PCDHA6: variants seen among roughly 807,000 people sequenced by gnomAD.
The protein encoded by PCDHA6 is protocadherin alpha-6.
In PCDHA6, 55 loss-of-function variants were observed where a neutral mutation model predicts 60.3. The observed-to-expected ratio is 0.91, with a 90% CI of 0.73 to 1.14. The LOEUF (loss-of-function observed/expected upper bound fraction) is 1.14. Ranked by LOEUF, PCDHA6 falls within the 50% of genes most tolerant of loss-of-function variation. PCDHA6 has a pLI of 0.00. For synonymous variants in PCDHA6, 652 were observed against 557.9 expected, an observed-to-expected ratio of 1.17 and a Z score of -2.38; for missense variants, 1,327 against 1,256.5, an observed-to-expected ratio of 1.06 and a Z score of -0.85.
intron 3 of PCDHA6, among the ~76,000 whole-genome samples, chr5:140,989,980 C>T (rs1172154204): frequency 6.6e-6 from 1 of 152,012 alleles, no homozygotes; most frequent in South Asian, 2.1e-4. Context: ...AGCAACAGCC[C>T]TGCCTGAAAT....
rs1228559116 is a variant in PCDHA6, at chr5:140,927,616, G to A, written c.2395-51333G>A. On this transcript the variant is annotated intron_variant, in intron 1 of 3. Coordinates refer to ENST00000529310, the MANE Select transcript of PCDHA6 (RefSeq NM_018909.4). ...TGAGCGCTCCGTATACCGCACCAAG[G>A]TTCCAGAGACTGCACCCAATGGGAC... 1.1e-5 allele frequency: 18 copies of A among 1,614,046 alleles called. No individual in the cohort carries two copies. Among genetic ancestry groups the A allele is most frequent in the Non-Finnish European group, 1.5e-5 (18 of 1,180,038 alleles).
chr5:141,008,241 C>G (rs1474460463), intron 3 of PCDHA6, among the ~76,000 whole-genome samples: 2 of 152,118 alleles, frequency 1.3e-5, no homozygotes, highest in African/African-American at 2.4e-5. Flanking sequence ...TGCTCAGGGA[C>G]ACCAAATTAG....
chr5:140,960,188 G>A (rs1371016387), intron 1 of PCDHA6, among the ~76,000 whole-genome samples: 7 of 152,132 alleles, frequency 4.6e-5, no homozygotes, highest in Non-Finnish European at 7.4e-5. Flanking sequence ...GGTTGCATGT[G>A]TAGTGGTCAG....
chr5:140,870,642 C>A (rs373909591), intron 1 of PCDHA6: 2 of 1,612,746 alleles, frequency 1.2e-6, no homozygotes, highest in African/African-American at 1.3e-5. Context: ...ACGCGGAGAG[C>A]GGCAAGGTGT....
intron 1 of PCDHA6, chr5:140,966,561 G>T: frequency 2.0e-6 from 1 of 488,962 alleles, no homozygotes; most frequent in African/African-American, 2.0e-5. Flanking sequence ...GGAGGAGCTG[G>T]AATATGGGGA....
At chr5:140,962,790 C>T (rs899867239) in intron 1 of PCDHA6, among the ~76,000 whole-genome samples, 28 of 152,286 alleles carry the variant, frequency 1.8e-4, no homozygotes, top group African/African-American at 6.0e-4. Flanking sequence ...TTAAAAACTA[C>T]TTTGGACAAC....
rs2150154033 is a variant in PCDHA6, at chr5:140,828,324, A to C, written c.233A>C (p.Asn78Thr). ...GACCGCGAGGACCTTCTGGAGGTAA[A>C]TCTGCAGAATGGCATTTTGTTTGTG... ...SKDREDLLEV[N>T]LQNGILFVNS... The change falls in exon 1 of 4, where the codon AAT becomes ACT. Residue 78 changes from asparagine to threonine, a missense_variant. Transcript: ENST00000529310. The C allele has an allele frequency of 3.7e-6, 6 of 1,614,194 alleles. No homozygotes were observed. In the South Asian group the frequency reaches 6.6e-5, roughly 18 times the overall value.
intron 1 of PCDHA6, among the ~76,000 whole-genome samples, chr5:140,954,013 C>T (rs942687934): frequency 6.6e-6 from 1 of 152,172 alleles, no homozygotes; most frequent in African/African-American, 2.4e-5. Context: ...TCAGCTCCCA[C>T]ACATAGTGGG....
chr5:140,993,694 T>C (rs1192686372), intron 3 of PCDHA6, among the ~76,000 whole-genome samples: 1 of 152,186 alleles, frequency 6.6e-6, no homozygotes, highest in African/African-American at 2.4e-5. Flanking sequence ...TCCCATAAGA[T>C]TGTAATACCA....
At chr5:140,848,581 G>C in intron 1 of PCDHA6, 1 of 1,595,130 alleles carries the variant, frequency 6.3e-7, no homozygotes, top group Non-Finnish European at 8.6e-7. Flanking sequence ...GTGGGGAGCG[G>C]CCAGCTCCAC....
intron 1 of PCDHA6, chr5:140,928,828 C>G (rs199775949): frequency 6.2e-7 from 1 of 1,614,160 alleles, no homozygotes. Context: ...AGACCCACCA[C>G]TTTCCTCCTC....
intron 1 of PCDHA6, among the ~76,000 whole-genome samples, chr5:140,912,832 TA>T (rs1188685241): frequency 1.3e-5 from 2 of 152,202 alleles, no homozygotes; most frequent in African/African-American, 2.4e-5. Context: ...TGAATTTTAT[TA>T]AATGCTTTTT....
intron 1 of PCDHA6, among the ~76,000 whole-genome samples, chr5:140,951,315 C>A (rs782114634): frequency 6.6e-6 from 1 of 151,988 alleles, no homozygotes; most frequent in Non-Finnish European, 1.5e-5. Context: ...ATGTGTTATT[C>A]TTGAGATTCA....
chr5:140,877,760 G>T, intron 1 of PCDHA6: 1 of 1,614,194 alleles, frequency 6.2e-7, no homozygotes, highest in Non-Finnish European at 8.5e-7. Flanking sequence ...TCTGCAGAGA[G>T]CCCGCCCAAG....
rs202099274 is a variant in PCDHA6 at position 140,842,659 on chromosome 5, C to G, written c.2394+12174C>G. The G allele has an allele frequency of 6.9e-6, 11 of 1,595,186 alleles. No individual in the cohort carries two copies. The South Asian group carries it at 1.2e-4, about 18-fold the overall frequency. ...CCGCCAGCTTGTCTGTGGAGGTGGC[C>G]GACGTGAACGACAATGCTCCGGCGT... On this transcript the variant is annotated intron_variant, in intron 1 of 3. Transcript: ENST00000529310.
intron 1 of PCDHA6, chr5:140,831,207 A>G (rs1426566077): frequency 6.6e-6 from 1 of 152,222 alleles, no homozygotes; most frequent in Non-Finnish European, 1.5e-5. Context: ...GATCAAGTAA[A>G]TTTATATGAA....
chr5:140,870,399 T>C, intron 1 of PCDHA6: 1 of 1,614,196 alleles, frequency 6.2e-7, no homozygotes, highest in Non-Finnish European at 8.5e-7. Flanking sequence ...GGGGTTCGCC[T>C]TCTCTGTGGG....
intron 1 of PCDHA6, chr5:140,863,203 G>C: frequency 1.1e-6 from 1 of 948,504 alleles, no homozygotes; most frequent in Non-Finnish European, 1.6e-6. Flanking sequence ...GTCGCTGGCG[G>C]AGAGCAGCCA....
At chr5:140,883,834 G>A (rs891069385) in intron 1 of PCDHA6, 1 of 1,612,658 alleles carries the variant, frequency 6.2e-7, no homozygotes, top group Non-Finnish European at 8.5e-7. Context: ...CGCTGCAGCC[G>A]TTGGACCACG....
Sources: allele counts gnomAD v4.1 joint callset (sites outside exome capture counted in the v4.1 genomes callset), GRCh38; gene constraint gnomAD v4.1.1; transcripts MANE v1.5; gene names NCBI Gene and HGNC (gene_info 2026-07-23, HGNC 2026-07-21).